Variants in POFUT3 observed in about 807,000 individuals in gnomAD.
POFUT3 encodes the protein protein O-fucosyltransferase 3.
chr8:33,317,136 A>G, the POFUT3 span, among the ~76,000 whole-genome samples: 1 of 152,162 alleles, frequency 6.6e-6, no homozygotes, highest in African/African-American at 2.4e-5. Context: ...ATAAGTAAGA[A>G]AGTAATAATA....
the POFUT3 span, among the ~76,000 whole-genome samples, chr8:33,406,106 A>G: frequency 6.6e-6 from 1 of 152,202 alleles, no homozygotes; most frequent in Non-Finnish European, 1.5e-5. Context: ...TCATAGTAAC[A>G]CAACAAAAAA....
At chr8:33,355,391 G>A in the POFUT3 span, among the ~76,000 whole-genome samples, 51 of 152,108 alleles carry the variant, frequency 3.4e-4, no homozygotes, top group African/African-American at 1.2e-3. Flanking sequence ...CAGGAGTATT[G>A]CAAAAAAAAT....
the POFUT3 span, among the ~76,000 whole-genome samples, chr8:33,341,868 G>A: frequency 6.6e-6 from 1 of 152,090 alleles, no homozygotes; most frequent in African/African-American, 2.4e-5. Flanking sequence ...AGACCAGCCT[G>A]GGCAACATAG....
the POFUT3 span, among the ~76,000 whole-genome samples, chr8:33,353,956 T>C: frequency 3.3e-5 from 5 of 152,172 alleles, no homozygotes; most frequent in African/African-American, 9.7e-5. Flanking sequence ...AGCTCCACTG[T>C]ACAATTCTGC....
the POFUT3 span, among the ~76,000 whole-genome samples, chr8:33,464,777 T>C: frequency 2.0e-5 from 3 of 151,996 alleles, 1 homozygote; most frequent in East Asian, 5.8e-4. Context: ...AGGCCTGGTC[T>C]CAAAAAATAA....
the POFUT3 span, among the ~76,000 whole-genome samples, chr8:33,395,613 G>A: frequency 0.015 from 2,222 of 152,070 alleles, 56 homozygotes; most frequent in African/African-American, 0.051. Context: ...TTCCTCTTGG[G>A]CACTGGATAA....
the POFUT3 span, among the ~76,000 whole-genome samples, chr8:33,424,044 C>A: frequency 6.6e-6 from 1 of 151,612 alleles, no homozygotes; most frequent in Non-Finnish European, 1.5e-5. Context: ...GAGACTGAGG[C>A]AGGAGACTTG....
At chr8:33,312,777 C>T in the POFUT3 span, among the ~76,000 whole-genome samples, 3 of 152,124 alleles carry the variant, frequency 2.0e-5, no homozygotes, top group African/African-American at 7.2e-5. Flanking sequence ...CCATCCTTTC[C>T]TTTCATCTTT....
chr8:33,317,242 A>C, the POFUT3 span, among the ~76,000 whole-genome samples: 1 of 152,142 alleles, frequency 6.6e-6, no homozygotes, highest in Non-Finnish European at 1.5e-5. Context: ...TGTTTTCAGA[A>C]GCCTGGACCC....
At chr8:33,308,733 C>T in the POFUT3 span, among the ~76,000 whole-genome samples, 1 of 152,044 alleles carries the variant, frequency 6.6e-6, no homozygotes. Flanking sequence ...AACAAGTTGA[C>T]CTTTTTGTGT....
the POFUT3 span, among the ~76,000 whole-genome samples, chr8:33,333,080 C>T: frequency 2.6e-5 from 4 of 152,362 alleles, no homozygotes; most frequent in South Asian, 8.3e-4. Context: ...CAACAAAATG[C>T]TCCACCAAAA....
At chr8:33,427,566 C>T in the POFUT3 span, among the ~76,000 whole-genome samples, 178 of 151,514 alleles carry the variant, frequency 1.2e-3, no homozygotes, top group Non-Finnish European at 2.1e-3. Context: ...GCAACAAGAG[C>T]GAAACTCCGT....
chr8:33,435,081 C>A, the POFUT3 span, among the ~76,000 whole-genome samples: 3 of 152,154 alleles, frequency 2.0e-5, no homozygotes, highest in African/African-American at 7.2e-5. Context: ...TTCATTCCTC[C>A]CCATCCAAGA....
the POFUT3 span, among the ~76,000 whole-genome samples, chr8:33,412,383 T>A: frequency 3.9e-5 from 6 of 152,148 alleles, no homozygotes; most frequent in African/African-American, 1.2e-4. Context: ...TCCATTCAAC[T>A]CATTCTTCAA....
At chr8:33,345,192 A>T in the POFUT3 span, among the ~76,000 whole-genome samples, 8 of 152,172 alleles carry the variant, frequency 5.3e-5, no homozygotes, top group African/African-American at 1.7e-4. Flanking sequence ...AATTGCAATT[A>T]AAAAATGTAT....
the POFUT3 span, among the ~76,000 whole-genome samples, chr8:33,440,260 G>A: frequency 2.0e-5 from 3 of 152,140 alleles, no homozygotes; most frequent in Non-Finnish European, 4.4e-5. Context: ...TACTCAGGAG[G>A]CTGGGGTGGG....
the POFUT3 span, among the ~76,000 whole-genome samples, chr8:33,432,061 G>T: frequency 5.9e-5 from 9 of 152,000 alleles, no homozygotes; most frequent in Admixed American, 1.3e-4. Context: ...GATTTCTTGA[G>T]CCTAGGAGTA....
At chr8:33,461,831 T>C in the POFUT3 span, 28 of 407,286 alleles carry the variant, frequency 6.9e-5, no homozygotes, top group African/African-American at 1.0e-4. Flanking sequence ...AAAGGAAACA[T>C]TGAGATCATG....
the POFUT3 span, among the ~76,000 whole-genome samples, chr8:33,335,960 C>T: frequency 5.9e-5 from 9 of 151,764 alleles, no homozygotes; most frequent in Non-Finnish European, 8.8e-5. Flanking sequence ...GCAGGAGAGG[C>T]AGGCACACCG....
Sources: gnomAD v4.1 joint callset for allele counts (sites outside exome capture counted in the v4.1 genomes callset) on GRCh38, gnomAD v4.1.1 for gene constraint, MANE v1.5 for transcripts, NCBI Gene and HGNC (gene_info 2026-07-23, HGNC 2026-07-21) for gene names.